PRKG1: variants seen among roughly 807,000 people sequenced by gnomAD.
PRKG1 encodes the protein cGMP-dependent protein kinase 1.
In PRKG1, 35 loss-of-function variants were observed where a neutral mutation model predicts 88.1. That is an observed-to-expected ratio of 0.40 (90% confidence interval 0.30 to 0.53). PRKG1 has a LOEUF of 0.53. PRKG1 is among the 20% of genes least tolerant of loss of function. The pLI is 0.59. For missense variants in PRKG1, 540 were observed against 839.8 expected, an observed-to-expected ratio of 0.64 and a Z score of 4.41; for synonymous variants, 303 against 292.5, an observed-to-expected ratio of 1.04 and a Z score of -0.37.
In PRKG1 at chr10:51,943,065, A is replaced by T. The variant is rs1256140409; in HGVS notation, c.762+35495A>T. ...GGGCAGTATGGCCATTTTCACGATA[A>T]TGATTCTTCCTATCCATGAGCATGG... is the stretch of plus-strand genomic sequence containing the variant. On this transcript the variant is annotated intron_variant, in intron 5 of 17. Coordinates refer to ENST00000373980, the MANE Select transcript of PRKG1 (RefSeq NM_006258.4). Among the ~76,000 whole-genome samples, 468 of 151,958 alleles carry T rather than the reference A, an allele frequency of 3.1e-3. 5 individuals carry two copies. Among genetic ancestry groups the T allele is most frequent in the Non-Finnish European group, 2.0e-3 (139 of 67,940 alleles).
chr10:52,090,268 A>G (rs1847023264), intron 7 of PRKG1, among the ~76,000 whole-genome samples: 2 of 152,086 alleles, frequency 1.3e-5, no homozygotes, highest in South Asian at 4.2e-4. Flanking sequence ...AAATGGCTAC[A>G]TACAAAAAAG....
At chr10:51,149,219 A>T (rs1025366427) in intron 1 of PRKG1, among the ~76,000 whole-genome samples, 8 of 151,866 alleles carry the variant, frequency 5.3e-5, no homozygotes, top group African/African-American at 1.5e-4. Flanking sequence ...CTGACCACTT[A>T]ATCTGAACTA....
intron 8 of PRKG1, among the ~76,000 whole-genome samples, chr10:52,145,023 A>T (rs924990390): frequency 6.6e-6 from 1 of 152,192 alleles, no homozygotes; most frequent in African/African-American, 2.4e-5. Flanking sequence ...TGGCTGATTC[A>T]GTTACGGATA....
rs1465710988 is a variant in PRKG1, at chr10:51,115,386, A to ATATATATATATATATATAGATATATATAT, written c.312-37778_312-37777insTATATATATATATATATAGATATATATAT. 2.8e-5 allele frequency among the ~76,000 whole-genome samples: 2 copies of ATATATATATATATATATAGATATATATAT among 70,384 alleles called. 1 individual carries two copies. The highest frequency in any genetic ancestry group is 5.4e-5 in the Non-Finnish European group (2 of 37,116). 46.2% of individuals were successfully genotyped at this position (70,384 alleles called of 152,430 possible). On this transcript the variant is annotated intron_variant, in intron 1 of 17. Coordinates refer to ENST00000373980, the MANE Select transcript of PRKG1 (RefSeq NM_006258.4). ...GTTCCTTTAAACATATATATATATA[A>ATATATATATATATATATAGATATATATAT]AACAAATGTGAAAGGGGGAGAGACA...
At chr10:52,248,408 C>A (rs1356945491) in intron 9 of PRKG1, among the ~76,000 whole-genome samples, 1 of 152,124 alleles carries the variant, frequency 6.6e-6, no homozygotes, top group Non-Finnish European at 1.5e-5. Context: ...ATTTGACTTT[C>A]CCAAAAATCA....
intron 3 of PRKG1, among the ~76,000 whole-genome samples, chr10:51,755,985 T>A (rs1171809039): frequency 6.6e-6 from 1 of 152,252 alleles, no homozygotes; most frequent in Admixed American, 6.5e-5. Flanking sequence ...TTTATCGTTA[T>A]TTAAAGCAAG....
chr10:51,443,190 C>T (rs1004644401), intron 2 of PRKG1, among the ~76,000 whole-genome samples: 1 of 143,902 alleles, frequency 6.9e-6, no homozygotes, highest in African/African-American at 2.9e-5. Flanking sequence ...TGGCAAAGTA[C>T]AGTCTGCAGG....
chr10:51,017,905 C>T (rs1304398850), intron 1 of PRKG1, among the ~76,000 whole-genome samples: 2 of 152,040 alleles, frequency 1.3e-5, no homozygotes, highest in East Asian at 3.9e-4. Context: ...CTCAAGTGAT[C>T]TTCCCACCTC....
chr10:52,150,498 T>C (rs1214517786), intron 8 of PRKG1, among the ~76,000 whole-genome samples: 7 of 152,172 alleles, frequency 4.6e-5, no homozygotes, highest in Non-Finnish European at 1.0e-4. Context: ...AGTATTTTCA[T>C]GTTTTATTTG....
At chr10:51,604,052 CATATCTGTACAGG>C (rs1313373533) in intron 3 of PRKG1, among the ~76,000 whole-genome samples, 2 of 148,016 alleles carry the variant, frequency 1.4e-5, no homozygotes, top group African/African-American at 4.9e-5. Context: ...TGAGAGTCAT[CATATCTGTACAGG>C]ATTAATGAAG....
intron 2 of PRKG1, among the ~76,000 whole-genome samples, chr10:51,420,559 G>T (rs760392938): frequency 2.6e-5 from 4 of 152,122 alleles, no homozygotes; most frequent in Middle Eastern, 3.2e-3. Flanking sequence ...TCATCTAGGG[G>T]CTGAGAACCA....
intron 5 of PRKG1, among the ~76,000 whole-genome samples, chr10:51,944,982 A>G (rs1414525498): frequency 6.6e-5 from 10 of 151,308 alleles, no homozygotes; most frequent in Non-Finnish European, 1.3e-4. Context: ...TGCTTGGTGC[A>G]GAGCTGAGTT....
rs199927009 is a variant in PRKG1 at position 51,765,423 on chromosome 10, C to T, written c.593-39162C>T. The stretch of plus-strand genomic sequence containing the variant: ...TCCTTAAGCTATCTGTCCTCCTTTT[C>T]ATTTTTCTAATAATCAAATCTTCTA... On this transcript the variant is annotated intron_variant, in intron 3 of 17. Coordinates refer to ENST00000373980, the MANE Select transcript of PRKG1 (RefSeq NM_006258.4). 3.9e-5 allele frequency among the ~76,000 whole-genome samples: 6 copies of T among 152,274 alleles called. 1 individual carries two copies. The East Asian group carries it at 1.2e-3, about 29-fold the overall frequency.
intron 5 of PRKG1, among the ~76,000 whole-genome samples, chr10:52,052,002 A>G (rs1307848455): frequency 1.3e-5 from 2 of 152,316 alleles, no homozygotes; most frequent in Non-Finnish European, 1.5e-5. Context: ...TCCCAAAGCT[A>G]CAACTGTAAC....
chr10:51,723,980 C>T lies in PRKG1; in HGVS notation c.593-80605C>T, dbSNP rs527825411. ...GACTTAATTTTAGGTGCCAACTTAA[C>T]TGGATAAAAGAATACCTGTAAACCC... is the stretch of plus-strand genomic sequence containing the variant. On this transcript the variant is annotated intron_variant, in intron 3 of 17. Coordinates refer to ENST00000373980, the MANE Select transcript of PRKG1 (RefSeq NM_006258.4). Among the ~76,000 whole-genome samples the T allele has an allele frequency of 3.3e-4, 50 of 152,250 alleles. 1 individual carries two copies. In the Middle Eastern group the frequency reaches 0.01, roughly 31 times the overall value.
chr10:52,153,494 G>A (rs1837999523), intron 8 of PRKG1, among the ~76,000 whole-genome samples: 2 of 152,144 alleles, frequency 1.3e-5, no homozygotes, highest in African/African-American at 4.8e-5. Flanking sequence ...AAAGAACACT[G>A]TGGATTTCAC....
intron 4 of PRKG1, among the ~76,000 whole-genome samples, chr10:51,826,993 T>A (rs987229364): frequency 6.6e-6 from 1 of 152,168 alleles, no homozygotes; most frequent in Non-Finnish European, 1.5e-5. Flanking sequence ...ACAGCCTATA[T>A]TGTACAGTCC....
At chr10:52,186,325 T>C (rs1839199956) in intron 9 of PRKG1, among the ~76,000 whole-genome samples, 1 of 152,112 alleles carries the variant, frequency 6.6e-6, no homozygotes, top group African/African-American at 2.4e-5. Context: ...CCAAATCTCA[T>C]GTGAACTAAC....
chr10:51,962,812 G>A (rs1843478435), intron 5 of PRKG1, among the ~76,000 whole-genome samples: 1 of 152,148 alleles, frequency 6.6e-6, no homozygotes, highest in Admixed American at 6.6e-5. Flanking sequence ...TATATTTGTT[G>A]GCAGCCACTT....
Sources: gnomAD v4.1 joint callset for allele counts (sites outside exome capture counted in the v4.1 genomes callset) on GRCh38, gnomAD v4.1.1 for gene constraint, MANE v1.5 for transcripts, NCBI Gene and HGNC (gene_info 2026-07-23, HGNC 2026-07-21) for gene names.